SLC2A14: variants seen among roughly 807,000 people sequenced by gnomAD.
The protein encoded by SLC2A14 is solute carrier family 2 member 14, also known as solute carrier family 2, facilitated glucose transporter member 14.
Under a neutral mutation model 43.0 loss-of-function variants are expected in SLC2A14, and 13 were observed. The observed-to-expected ratio is 0.30, with a 90% confidence interval of 0.20 to 0.48. The LOEUF (loss-of-function observed/expected upper bound fraction) is 0.48. Ranked by LOEUF, SLC2A14 falls within the 20% of genes least tolerant of loss-of-function variation. SLC2A14 has a pLI of 0.99. For synonymous variants in SLC2A14, 190 were observed against 233.8 expected (o/e 0.81, Z 1.71); for missense variants, 428 against 620.4 (o/e 0.69, Z 3.29).
chr12:7,858,366 A>G (rs1183446063), intron 2 of SLC2A14, among the ~76,000 whole-genome samples: 1 of 152,140 alleles, frequency 6.6e-6, no homozygotes, highest in Non-Finnish European at 1.5e-5. Context: ...TTTATTACTG[A>G]GTTGTAAAAG....
At position 7,829,678 on chromosome 12, in the gene SLC2A14, C is replaced by T. The variant is rs757113631; in HGVS notation, c.513+88G>A. On this transcript the variant is annotated intron_variant, in intron 5 of 10. Transcript: ENST00000431042. ...ACTTCCATATGTAATTGAACATGTG[C>T]CAGATATTCTTCAGTGCTTTACCTA... 2.7e-5 allele frequency: 41 copies of T among 1,532,438 alleles called. No individual in the cohort carries two copies. In the African/African-American group the frequency reaches 5.5e-4, roughly 21 times the overall value. 94.9% of individuals were successfully genotyped at this position (1,532,438 alleles called of 1,614,324 possible).
At chr12:7,885,964 G>A (rs1319343896) in intron 1 of SLC2A14, among the ~76,000 whole-genome samples, 4 of 151,464 alleles carry the variant, frequency 2.6e-5, no homozygotes, top group African/African-American at 9.7e-5. Flanking sequence ...CACTATGTAA[G>A]TTTGAAATTT....
upstream of SLC2A14, among the ~76,000 whole-genome samples, chr12:7,875,092 A>C (rs867872780): frequency 4.8e-3 from 635 of 133,130 alleles, 5 homozygotes; most frequent in African/African-American, 0.017. Context: ...TATTCTATTT[A>C]AATTTAAATA....
In SLC2A14 at chr12:7,828,821, C is replaced by G. The variant is rs761558668; in HGVS notation, c.559G>C (p.Val187Leu). The G allele has an allele frequency of 6.8e-6, 11 of 1,614,146 alleles. No homozygotes were observed. In the South Asian group the frequency reaches 1.2e-4, roughly 18 times the overall value. The change falls in exon 6 of 11, where the codon GTG (valine) becomes CTG (leucine). Residue 187 changes from valine to leucine, a missense_variant. Physicochemically the swap from Val to Leu is conservative, Grantham distance 32. Transcript: ENST00000431042. ...GGAAGGATGGTAAAGCCTAATAGCA[C>G]CGGCCATAGCTCTTCAGACCCAAGG... ...LILGSEELWP[V>L]LLGFTILPAI...
intron 1 of SLC2A14, among the ~76,000 whole-genome samples, chr12:7,889,547 T>G (rs4376980): frequency 0.32 from 48,099 of 149,598 alleles, 7,875 homozygotes; most frequent in African/African-American, 0.4. Flanking sequence ...TCCCCCTTTT[T>G]TTTTTGAGAT....
intron 1 of SLC2A14, among the ~76,000 whole-genome samples, chr12:7,886,443 A>G (rs965817191): frequency 6.6e-6 from 1 of 151,592 alleles, no homozygotes; most frequent in Admixed American, 6.6e-5. Flanking sequence ...CTGGGCTCAA[A>G]GCAGTCCTCT....
intron 2 of SLC2A14, among the ~76,000 whole-genome samples, chr12:7,868,448 T>C (rs964293314): frequency 2.0e-5 from 3 of 152,182 alleles, no homozygotes; most frequent in Admixed American, 6.5e-5. Context: ...CTCTGAGGTA[T>C]GCCTGTATTT....
chr12:7,839,603 T>C (rs1362992027), intron 2 of SLC2A14: 3 of 274,272 alleles, frequency 1.1e-5, no homozygotes, highest in Non-Finnish European at 2.2e-5. Flanking sequence ...TAAAAAAGTA[T>C]GTGCTGTTGA....
chr12:7,867,931 G>A (rs1034043351), intron 2 of SLC2A14, among the ~76,000 whole-genome samples: 2 of 151,174 alleles, frequency 1.3e-5, no homozygotes, highest in Non-Finnish European at 2.9e-5. Flanking sequence ...TGACAGCAAA[G>A]GATTTCAAAT....
chr12:7,818,178 T>C (rs1592142636), intron 9 of SLC2A14, 144 bp from the exon 10 acceptor site: 3 of 765,088 alleles, frequency 3.9e-6, no homozygotes, highest in Non-Finnish European at 6.2e-6. Context: ...CTTGGATTTA[T>C]TTTTATTTTT....
chr12:7,839,819 A>G (rs778684707), intron 2 of SLC2A14: 10 of 451,406 alleles, frequency 2.2e-5, no homozygotes, highest in South Asian at 1.1e-4. Flanking sequence ...CATGCCTGTA[A>G]TCTCAGCACT....
At chr12:7,855,576 C>T (rs1417315620) in intron 2 of SLC2A14, among the ~76,000 whole-genome samples, 1 of 152,142 alleles carries the variant, frequency 6.6e-6, no homozygotes, top group Admixed American at 6.5e-5. Context: ...TGTGATGCCA[C>T]CCTTACCCGA....
At chr12:7,856,599 A>C (rs1335260163) in intron 2 of SLC2A14, 1 of 152,226 alleles carries the variant, frequency 6.6e-6, no homozygotes, top group African/African-American at 2.4e-5. Flanking sequence ...ACAATTTAAG[A>C]GTGCATAGCT....
chr12:7,867,475 C>T (rs1051188787), intron 2 of SLC2A14, among the ~76,000 whole-genome samples: 5 of 151,840 alleles, frequency 3.3e-5, no homozygotes, highest in South Asian at 2.1e-4. Context: ...AAGTGGAACC[C>T]GAAGATGAGA....
chr12:7,865,328 G>A (rs1944847544), intron 2 of SLC2A14, among the ~76,000 whole-genome samples: 1 of 152,048 alleles, frequency 6.6e-6, no homozygotes, highest in Non-Finnish European at 1.5e-5. Context: ...ACGAGGTCAG[G>A]AGATCGAGAC....
chr12:7,864,948 C>G (rs186969916), intron 2 of SLC2A14, among the ~76,000 whole-genome samples: 119 of 152,216 alleles, frequency 7.8e-4, no homozygotes, highest in African/African-American at 2.8e-3. Flanking sequence ...GTAAAGAGGC[C>G]TTCCCTGACC....
At chr12:7,874,678 AT>A (rs1306323667), upstream of SLC2A14, among the ~76,000 whole-genome samples, 1 of 145,488 alleles carries the variant, frequency 6.9e-6, no homozygotes, top group East Asian at 2.0e-4. Context: ...TCTCAAAAAA[AT>A]ATATAAATAT....
At position 7,872,000 on chromosome 12, in the gene SLC2A14, C is replaced by T. The variant is rs769194927; in HGVS notation, c.-58+807G>A. 1.7e-4 allele frequency: 106 copies of T among 636,062 alleles called. 1 individual carries two copies. The highest frequency in any genetic ancestry group is 2.0e-4 in the Non-Finnish European group (103 of 511,012). 39.4% of individuals were successfully genotyped at this position (636,062 alleles called of 1,614,324 possible). A position where few individuals can be genotyped will look rare whatever the true frequency, so the allele number is the denominator to read the frequency against. On this transcript the variant is annotated intron_variant, in intron 1 of 10. Coordinates refer to ENST00000431042, the MANE Select transcript of SLC2A14 (RefSeq NM_001286234.2). ...AGAAAAAGAAAAAAAAAGTAAGGTACTATTTATTTATCTGTAAAATTAACT... is the reference window on the plus strand; with the variant it reads ...AGAAAAAGAAAAAAAAAGTAAGGTATTATTTATTTATCTGTAAAATTAACT...
At chr12:7,829,721 A>G in intron 5 of SLC2A14, 45 bp downstream of exon 5, 5 of 1,600,638 alleles carry the variant, frequency 3.1e-6, no homozygotes, top group Non-Finnish European at 4.3e-6. Context: ...TTTTTTAATG[A>G]CCCATGAAAC....
Sources: gnomAD v4.1 joint callset for allele counts (sites outside exome capture counted in the v4.1 genomes callset) on GRCh38, gnomAD v4.1.1 for gene constraint, MANE v1.5 for transcripts, NCBI Gene and HGNC (gene_info 2026-07-23, HGNC 2026-07-21) for gene names.